Variants in GATAD1 observed in about 807,000 individuals in gnomAD.
GATAD1 encodes GATA zinc finger domain-containing protein 1.
A neutral mutation model predicts 26.5 loss-of-function variants in GATAD1; 12 were observed. That is an observed-to-expected ratio of 0.45 (90% CI 0.29 to 0.73). GATAD1 has a LOEUF of 0.73. Ranked by LOEUF, GATAD1 falls within the 30% of genes least tolerant of loss-of-function variation. The pLI, the probability that GATAD1 is intolerant of heterozygous loss-of-function variation, is 0.10. For missense variants in GATAD1, 266 were observed against 342.1 expected (o/e 0.78, Z 1.75); for synonymous variants, 129 against 133.1 (o/e 0.97, Z 0.21).
chr7:92,492,823 G>T, the GATAD1 span: 1 of 759,378 alleles, frequency 1.3e-6, no homozygotes, highest in Non-Finnish European at 2.4e-6. Flanking sequence ...TTCAACTAAA[G>T]GTAAATTTAT....
chr7:92,484,950 G>A, the GATAD1 span, among the ~76,000 whole-genome samples: 11 of 151,748 alleles, frequency 7.2e-5, no homozygotes, highest in African/African-American at 1.9e-4. Context: ...AGGAGTCAGC[G>A]AAGGGAGATA....
At chr7:92,469,526 A>C in the GATAD1 span, 37 of 767,886 alleles carry the variant, frequency 4.8e-5, no homozygotes, top group Non-Finnish European at 8.6e-5. Context: ...AAGCACATAG[A>C]TTCTGAAGAG....
rs1333699334 is a variant in GATAD1, at chr7:92,447,552, C to T, written c.-178C>T. The T allele has an allele frequency of 3.8e-6, 3 of 780,196 alleles. No individual in the cohort carries two copies. The highest frequency in any genetic ancestry group is 1.8e-5 in the African/African-American group (1 of 54,512). 48.3% of individuals were successfully genotyped at this position (780,196 alleles called of 1,614,324 possible). A position where few individuals can be genotyped will look rare whatever the true frequency, so the allele number is the denominator to read the frequency against. ...CCTCCGCCTGCGGAGCCGGCGGAACCCGCTTCCCGCCTCCACGGGGCAGCG... is the reference window on the plus strand; with the variant it reads ...CCTCCGCCTGCGGAGCCGGCGGAACTCGCTTCCCGCCTCCACGGGGCAGCG... On this transcript the variant is annotated 5_prime_UTR_variant, in exon 1 of 5. Transcript: ENST00000287957.
Position 92,447,984 on chromosome 7 carries a change from C to T in GATAD1, c.249+6C>T. On this transcript the variant is annotated splice_donor_region_variant and intron_variant, in intron 1 of 4. Transcript: ENST00000287957. ...GGGGCGGGGGCGGCAAGCAGGTGAGCTCCTCCGGCCCCTCCCGCCGGCGGA... is the reference window on the plus strand; with the variant it reads ...GGGGCGGGGGCGGCAAGCAGGTGAGTTCCTCCGGCCCCTCCCGCCGGCGGA... 9 of 1,215,256 alleles carry T rather than the reference C, an allele frequency of 7.4e-6. No individual in the cohort carries two copies. The highest frequency in any genetic ancestry group is 4.1e-5 in the South Asian group (1 of 24,402). 75.3% of individuals were successfully genotyped at this position (1,215,256 alleles called of 1,614,324 possible).
intron 2 of GATAD1, chr7:92,449,605 T>C: frequency 1.0e-6 from 1 of 981,124 alleles, no homozygotes; most frequent in Non-Finnish European, 1.2e-6. Flanking sequence ...GTTTCTGAAG[T>C]TGGCCATATT....
downstream of GATAD1, among the ~76,000 whole-genome samples, chr7:92,460,856 T>C (rs956456945): frequency 1.3e-5 from 2 of 152,132 alleles, no homozygotes; most frequent in Non-Finnish European, 2.9e-5. Flanking sequence ...CAGCTACTTT[T>C]TTCAGCTTTA....
At chr7:92,455,332 C>G (rs575336652) in intron 4 of GATAD1, among the ~76,000 whole-genome samples, 1 of 152,072 alleles carries the variant, frequency 6.6e-6, no homozygotes, top group Non-Finnish European at 1.5e-5. Flanking sequence ...ATGTATTGCT[C>G]AGGAACTAGG....
the GATAD1 span, among the ~76,000 whole-genome samples, chr7:92,483,909 T>G: frequency 6.6e-6 from 1 of 152,056 alleles, no homozygotes; most frequent in African/African-American, 2.4e-5. Flanking sequence ...CAGATGGGTC[T>G]GTAGCAAAGG....
chr7:92,456,241 T>TG, intron 4 of GATAD1, 131 bp from the exon 5 acceptor site: 1 of 549,042 alleles, frequency 1.8e-6, no homozygotes. Context: ...TTCAAAGTAA[T>TG]GCATGTTTCA....
chr7:92,481,113 C>A, the GATAD1 span, among the ~76,000 whole-genome samples: 4 of 152,262 alleles, frequency 2.6e-5, no homozygotes, highest in African/African-American at 9.6e-5. Context: ...GCATAGCCTG[C>A]CTTTGCTGGT....
chr7:92,491,656 A>C, the GATAD1 span: 1 of 604,518 alleles, frequency 1.7e-6, no homozygotes, highest in Non-Finnish European at 2.9e-6. Flanking sequence ...TTTGAGGCAC[A>C]TGGTAAAAAT....
the GATAD1 span, chr7:92,491,701 T>C: frequency 1.9e-6 from 1 of 538,936 alleles, no homozygotes; most frequent in Non-Finnish European, 3.3e-6. Context: ...AGATAGAATG[T>C]GTAGATAATT....
At chr7:92,491,420 G>C in the GATAD1 span, 1 of 1,613,666 alleles carries the variant, frequency 6.2e-7, no homozygotes, top group Non-Finnish European at 8.5e-7. Flanking sequence ...TCCATCTCCA[G>C]CTGAATCGTC....
At chr7:92,469,349 G>C in the GATAD1 span, 1 of 765,498 alleles carries the variant, frequency 1.3e-6, no homozygotes, top group African/African-American at 1.7e-5. Context: ...TAGTAGAACT[G>C]AGTAGAGGTT....
chr7:92,486,175 G>T, the GATAD1 span, among the ~76,000 whole-genome samples: 112 of 152,340 alleles, frequency 7.4e-4, 2 homozygotes, highest in African/African-American at 2.6e-3. Flanking sequence ...GTCAGCAGCA[G>T]TGACCAACCA....
chr7:92,447,712 C>T lies in GATAD1; in HGVS notation c.-18C>T, dbSNP rs1789211849. ...TCCCGTGTCTCTGCGCCCGCGGGGG[C>T]CGCCCGAGCCGGCCACCATGCCGCT... is the stretch of plus-strand genomic sequence containing the variant. On this transcript the variant is annotated 5_prime_UTR_variant, in exon 1 of 5. Transcript: ENST00000287957. The T allele has an allele frequency of 2.8e-6, 4 of 1,446,516 alleles. No homozygotes were observed. Among genetic ancestry groups the T allele is most frequent in the East Asian group, 3.0e-5 (1 of 32,906 alleles). The allele number at this position is 1,446,516 out of a possible 1,614,324, so 89.6% of individuals were successfully genotyped here.
At position 92,447,633 on chromosome 7, in the gene GATAD1, C is replaced by T; in HGVS notation, c.-97C>T. The T allele has an allele frequency of 7.6e-7, 1 of 1,315,208 alleles. No individual in the cohort carries two copies. The highest frequency in any genetic ancestry group is 2.7e-4 in the Middle Eastern group (1 of 3,750). 81.5% of individuals were successfully genotyped at this position (1,315,208 alleles called of 1,614,324 possible). A position where few individuals can be genotyped will look rare whatever the true frequency, so the allele number is the denominator to read the frequency against. ...CGTGCCGACGCTCTCACCGCTCTTC[C>T]TATCGCCGGGAGTGGCGGGCCGACC... is the stretch of plus-strand genomic sequence containing the variant. On this transcript the variant is annotated 5_prime_UTR_variant, in exon 1 of 5. Coordinates refer to ENST00000287957, the MANE Select transcript of GATAD1 (RefSeq NM_021167.5).
At chr7:92,479,276 G>A in the GATAD1 span, among the ~76,000 whole-genome samples, 10 of 152,164 alleles carry the variant, frequency 6.6e-5, no homozygotes, top group South Asian at 2.1e-4. Flanking sequence ...GGGTGCAGGC[G>A]GGCTGAGTCC....
In GATAD1 at chr7:92,456,569, A is replaced by G. The variant is rs1441703333; in HGVS notation, c.*7A>G. 1.2e-6 allele frequency: 2 copies of G among 1,601,918 alleles called. No homozygotes were observed. Among genetic ancestry groups the G allele is most frequent in the Admixed American group, 1.7e-5 (1 of 59,170 alleles). ...AGTTGCCAACCATTTGTAGTTCACAAATTAAAACTGGGTTTCCAGGCCTGG... is the reference window on the plus strand; with the variant it reads ...AGTTGCCAACCATTTGTAGTTCACAGATTAAAACTGGGTTTCCAGGCCTGG... On this transcript the variant is annotated 3_prime_UTR_variant, in exon 5 of 5. Transcript: ENST00000287957.
Sources: allele counts gnomAD v4.1 joint callset (sites outside exome capture counted in the v4.1 genomes callset), GRCh38; gene constraint gnomAD v4.1.1; transcripts MANE v1.5; gene names NCBI Gene and HGNC (gene_info 2026-07-23, HGNC 2026-07-21).